Variants in MCF2L observed in about 807,000 individuals in gnomAD.
The protein encoded by MCF2L is guanine nucleotide exchange factor DBS.
In MCF2L, 97 loss-of-function variants were observed where a neutral mutation model predicts 153.4. The observed-to-expected ratio is 0.63, with a 90% CI of 0.54 to 0.75. The LOEUF is 0.75. Ranked by LOEUF, MCF2L falls within the 30% of genes least tolerant of loss-of-function variation. The pLI, the probability that MCF2L is intolerant of heterozygous loss-of-function variation, is 0.00. For missense variants in MCF2L, 1,347 were observed against 1,495.2 expected (o/e 0.90, Z 1.64); for synonymous variants, 659 against 632.2 (o/e 1.04, Z -0.64).
intron 15 of MCF2L, among the ~76,000 whole-genome samples, chr13:113,080,429 C>T (rs1196614633): frequency 1.3e-5 from 2 of 152,188 alleles, no homozygotes; most frequent in African/African-American, 4.8e-5. Context: ...TCTTGCTCCC[C>T]AGTCCTCTCC....
At chr13:112,923,503 A>T (rs113151897) in intron 2 of MCF2L, among the ~76,000 whole-genome samples, 14,799 of 151,984 alleles carry the variant, frequency 0.097, 813 homozygotes, top group East Asian at 0.17. Context: ...TGACCTGGTG[A>T]TCTACCTGCC....
chr13:112,940,149 C>A (rs748445125), intron 2 of MCF2L, among the ~76,000 whole-genome samples: 32 of 152,092 alleles, frequency 2.1e-4, no homozygotes, highest in Non-Finnish European at 2.8e-4. Context: ...GCGTCAGTTT[C>A]CTTACGCAAG....
intron 4 of MCF2L, among the ~76,000 whole-genome samples, chr13:113,058,278 C>A (rs1418621715): frequency 7.0e-6 from 1 of 143,460 alleles, no homozygotes; most frequent in Admixed American, 6.9e-5. Context: ...TGAGTGGGTG[C>A]TGAGTGTTTG....
At chr13:112,916,632 G>C (rs1448571321) in intron 2 of MCF2L, among the ~76,000 whole-genome samples, 1 of 152,170 alleles carries the variant, frequency 6.6e-6, no homozygotes, top group Non-Finnish European at 1.5e-5. Flanking sequence ...GCTGTCATGT[G>C]TGCCGAGCAT....
chr13:113,063,423 CACA>C (rs2031851951), intron 5 of MCF2L, among the ~76,000 whole-genome samples: 1 of 123,118 alleles, frequency 8.1e-6, no homozygotes, highest in South Asian at 2.5e-4. Context: ...CCCCTGTCCA[CACA>C]GCCGCCCACA....
intron 3 of MCF2L, among the ~76,000 whole-genome samples, chr13:113,030,743 G>T (rs534059195): frequency 6.6e-6 from 1 of 152,220 alleles, no homozygotes; most frequent in Non-Finnish European, 1.5e-5. Context: ...CATCGGCCAG[G>T]CCTTGATAGG....
At chr13:112,937,475 T>C (rs549562308) in intron 2 of MCF2L, among the ~76,000 whole-genome samples, 2 of 152,368 alleles carry the variant, frequency 1.3e-5, no homozygotes, top group South Asian at 4.1e-4. Flanking sequence ...GAACAAAAGT[T>C]CTTTGAAAAG....
At chr13:113,083,393 G>A (rs1021323773) in intron 17 of MCF2L, among the ~76,000 whole-genome samples, 5 of 152,196 alleles carry the variant, frequency 3.3e-5, no homozygotes, top group African/African-American at 9.7e-5. Flanking sequence ...AGCCTTCCAC[G>A]TCCACGGAGC....
At chr13:113,018,255 G>A (rs1458768071) in intron 2 of MCF2L, among the ~76,000 whole-genome samples, 2 of 152,184 alleles carry the variant, frequency 1.3e-5, no homozygotes, top group East Asian at 1.9e-4. Flanking sequence ...TCTGTCATCC[G>A]CAGACAGCAG....
At chr13:113,024,844 G>T in intron 3 of MCF2L, 86 bp downstream of exon 3, 1 of 1,042,976 alleles carries the variant, frequency 9.6e-7, no homozygotes, top group South Asian at 1.3e-5. Flanking sequence ...CTGCAACTAT[G>T]GGATGAGGCA....
At chr13:113,038,395 G>T (rs184703666) in intron 3 of MCF2L, among the ~76,000 whole-genome samples, 1 of 151,744 alleles carries the variant, frequency 6.6e-6, no homozygotes, top group Non-Finnish European at 1.5e-5. Flanking sequence ...AACCCGGAAG[G>T]CGGAGCTTGC....
chr13:112,934,583 T>TGCTGCTGCTGCTGCTG (rs1555351939), intron 2 of MCF2L, among the ~76,000 whole-genome samples: 8 of 152,190 alleles, frequency 5.3e-5, no homozygotes, highest in Non-Finnish European at 8.8e-5. Context: ...CTGCTGCTGG[T>TGCTGCTGCTGCTGCTG]CTGGAGACCC....
chr13:113,021,157 G>T (rs1385885839), intron 2 of MCF2L, among the ~76,000 whole-genome samples: 1 of 152,136 alleles, frequency 6.6e-6, no homozygotes, highest in African/African-American at 2.4e-5. Context: ...TGTGTGTGTA[G>T]GTGTGTGTCT....
chr13:112,976,405 C>A (rs2082215441), intron 1 of MCF2L, among the ~76,000 whole-genome samples: 1 of 152,196 alleles, frequency 6.6e-6, no homozygotes, highest in African/African-American at 2.4e-5. Flanking sequence ...AACAAGACTT[C>A]GTTTCTGTAA....
intron 1 of MCF2L, among the ~76,000 whole-genome samples, chr13:113,006,247 G>C (rs1033361986): frequency 2.6e-5 from 4 of 152,230 alleles, no homozygotes; most frequent in African/African-American, 9.6e-5. Context: ...TGGAGCAGAC[G>C]GCGTGGGCTC....
In MCF2L at chr13:113,031,240, CAG is replaced by C. The variant is rs200910365; in HGVS notation, c.278+6487_278+6488del. 0.11 allele frequency among the ~76,000 whole-genome samples: 9,825 copies of C among 93,334 alleles called. 409 individuals are homozygous for C. The highest frequency in any genetic ancestry group is 0.42 in the East Asian group (921 of 2,214). The allele number at this position is 93,334 out of a possible 152,430, so 61.2% of individuals were successfully genotyped here. A position where few individuals can be genotyped will look rare whatever the true frequency, so the allele number is the denominator to read the frequency against. On this transcript the variant is annotated intron_variant, in intron 3 of 29. Transcript: ENST00000535094. This position sits in a 1 kb window ranked among gnomAD's most constrained non-coding sequence, Gnocchi z 5.5. ...GACAGAGAGAGACAGAGAGAAGAGA[CAG>C]AGAGTGACAGAGATAGAGACAGACA...
chr13:112,969,260 G>T lies in MCF2L; in HGVS notation c.-120G>T, dbSNP rs1486817026. 6 of 1,438,614 alleles carry T rather than the reference G, an allele frequency of 4.2e-6. No individual in the cohort carries two copies. The highest frequency in any genetic ancestry group is 2.8e-6 in the Non-Finnish European group (3 of 1,086,892). The allele number at this position is 1,438,614 out of a possible 1,614,324, so 89.1% of individuals were successfully genotyped here. On this transcript the variant is annotated 5_prime_UTR_variant, in exon 1 of 30. Transcript: ENST00000535094. This position sits in a 1 kb window ranked among gnomAD's most constrained non-coding sequence, Gnocchi z 4.8. Reference sequence around the variant, plus strand: ...GAGGCGGCGGCTGGAGGCTGAAAGCGCTGCCGTGGCCCCCTCCCCGCCTCC... The same window carrying T: ...GAGGCGGCGGCTGGAGGCTGAAAGCTCTGCCGTGGCCCCCTCCCCGCCTCC...
intron 1 of MCF2L, among the ~76,000 whole-genome samples, chr13:112,995,899 C>T (rs1342386418): frequency 1.3e-5 from 2 of 152,128 alleles, no homozygotes; most frequent in East Asian, 1.9e-4. Context: ...TGCCAAGCAG[C>T]ACCTGGCGGC....
Position 112,941,491 on chromosome 13 carries a change from T to C in MCF2L, c.169+39120T>C, listed in dbSNP as rs1266212376. 6.6e-6 allele frequency among the ~76,000 whole-genome samples: 1 copy of C among 152,004 alleles called. No individual in the cohort carries two copies. Among genetic ancestry groups the C allele is most frequent in the African/African-American group, 2.4e-5 (1 of 41,422 alleles). On this transcript the variant is annotated intron_variant, in intron 2 of 29. Coordinates refer to the MCF2L transcript ENST00000375608. The surrounding 1 kb of genome is among the most constrained non-coding windows in gnomAD (Gnocchi z 4.9). The stretch of plus-strand genomic sequence containing the variant: ...CTATTAGTATTGAGCACACTGTGTG[T>C]GGAGCATCCTGAGTCAACACAGGTG...
Sources: allele counts gnomAD v4.1 joint callset (sites outside exome capture counted in the v4.1 genomes callset), GRCh38; gene constraint gnomAD v4.1.1; non-coding constraint Gnocchi (gnomAD v3.1); transcripts MANE v1.5; gene names NCBI Gene and HGNC (gene_info 2026-07-23, HGNC 2026-07-21).